The following DGKB variants were observed in gnomAD, a reference collection of about 807,000 sequenced individuals.
The protein encoded by DGKB is diacylglycerol kinase beta.
DGKB carries 67 observed loss-of-function variants against 114.3 expected under a neutral mutation model. The ratio of observed to expected loss-of-function variants is 0.59; its 90% CI spans 0.48 to 0.72. DGKB has a LOEUF of 0.72. Ranked by LOEUF, DGKB falls within the 30% of genes least tolerant of loss-of-function variation. DGKB has a pLI of 0.00. For synonymous variants in DGKB, 398 were observed against 323.1 expected (o/e 1.23, Z -2.49); for missense variants, 907 against 975.2 (o/e 0.93, Z 0.93).
chr7:14,507,067 G>C (rs1787202476), intron 20 of DGKB, among the ~76,000 whole-genome samples: 1 of 152,182 alleles, frequency 6.6e-6, no homozygotes, highest in African/African-American at 2.4e-5. Flanking sequence ...TTATTTAAAA[G>C]AGAGCAGCCT....
At chr7:14,621,281 G>C in intron 15 of DGKB, 97 bp downstream of exon 15, 4 of 713,254 alleles carry the variant, frequency 5.6e-6, no homozygotes, top group Non-Finnish European at 9.7e-6. Flanking sequence ...CTAATATGCA[G>C]ATTAAACAAA....
At chr7:14,524,634 T>C (rs1790339592) in intron 20 of DGKB, among the ~76,000 whole-genome samples, 1 of 151,712 alleles carries the variant, frequency 6.6e-6, no homozygotes, top group African/African-American at 2.4e-5. Context: ...TATGTGCCTG[T>C]AGTCCCAGCC....
intron 23 of DGKB, among the ~76,000 whole-genome samples, chr7:14,292,488 C>A (rs1276952282): frequency 4.6e-5 from 7 of 152,258 alleles, no homozygotes; most frequent in African/African-American, 1.7e-4. Context: ...TTATTTGTTT[C>A]TTTATCAATT....
chr7:14,917,781 T>C (rs1035715646), intron 1 of DGKB, among the ~76,000 whole-genome samples: 1 of 151,972 alleles, frequency 6.6e-6, no homozygotes, highest in Non-Finnish European at 1.5e-5. Context: ...GAAGCTAGCA[T>C]TACCCTCATA....
At chr7:14,330,368 G>A (rs1809513366) in intron 23 of DGKB, among the ~76,000 whole-genome samples, 1 of 151,834 alleles carries the variant, frequency 6.6e-6, no homozygotes, top group African/African-American at 2.4e-5. Context: ...CCATCCCTGT[G>A]TACCTTTTTG....
chr7:14,278,738 T>A (rs1799404842), intron 23 of DGKB, among the ~76,000 whole-genome samples: 1 of 151,996 alleles, frequency 6.6e-6, no homozygotes, highest in Non-Finnish European at 1.5e-5. Flanking sequence ...ATACATCTGA[T>A]AGGGAGTTAA....
At chr7:14,936,616 G>A (rs1785283594) in intron 1 of DGKB, among the ~76,000 whole-genome samples, 5 of 152,150 alleles carry the variant, frequency 3.3e-5, no homozygotes, top group Admixed American at 3.3e-4. Context: ...TAGGAATGGA[G>A]GTGGTCATAG....
rs186390437 is a variant in DGKB at position 14,723,561 on chromosome 7, G to A, written c.323-4876C>T. 4.3e-4 allele frequency among the ~76,000 whole-genome samples: 64 copies of A among 149,288 alleles called. 2 individuals carry two copies. The South Asian group carries it at 5.0e-3, about 12-fold the overall frequency. The stretch of plus-strand genomic sequence containing the variant: ...AAAAGTGAAGCAAATGTGTGTGTGT[G>A]TATATATATGTGTGTGTGTGTGTAT... On this transcript the variant is annotated intron_variant, in intron 5 of 25. Coordinates refer to ENST00000402815, the MANE Select transcript of DGKB (RefSeq NM_001350709.2).
intron 21 of DGKB, among the ~76,000 whole-genome samples, chr7:14,474,700 G>T (rs1211621474): frequency 6.6e-6 from 1 of 151,886 alleles, no homozygotes; most frequent in Non-Finnish European, 1.5e-5. Context: ...AGCACCATGA[G>T]AAGTATTATG....
At chr7:14,781,097 T>C (rs1311017615) in intron 2 of DGKB, among the ~76,000 whole-genome samples, 1 of 152,228 alleles carries the variant, frequency 6.6e-6, no homozygotes, top group African/African-American at 2.4e-5. Context: ...TTGATTTCTT[T>C]CACAGTTTTG....
At chr7:14,809,723 A>G (rs1371861240) in intron 2 of DGKB, among the ~76,000 whole-genome samples, 1 of 152,162 alleles carries the variant, frequency 6.6e-6, no homozygotes, top group Non-Finnish European at 1.5e-5. Context: ...ATTCAGTGCC[A>G]ATGGTGTAGC....
chr7:14,165,123 C>T (rs1784436473), intron 25 of DGKB, among the ~76,000 whole-genome samples: 1 of 152,066 alleles, frequency 6.6e-6, no homozygotes, highest in Admixed American at 6.6e-5. Context: ...ACAGATATCC[C>T]AGAAAACATT....
intron 21 of DGKB, among the ~76,000 whole-genome samples, chr7:14,458,145 T>C (rs1832568454): frequency 6.6e-6 from 1 of 152,168 alleles, no homozygotes; most frequent in African/African-American, 2.4e-5. Flanking sequence ...CTTCTAAAAA[T>C]TTAAATTTTA....
chr7:14,184,752 C>G (rs1783147495), intron 23 of DGKB, among the ~76,000 whole-genome samples: 1 of 152,148 alleles, frequency 6.6e-6, no homozygotes, highest in Non-Finnish European at 1.5e-5. Context: ...GCCTCGCCCA[C>G]TGCCAGTTCC....
At chr7:14,493,465 A>G (rs571477619) in intron 20 of DGKB, among the ~76,000 whole-genome samples, 1 of 152,134 alleles carries the variant, frequency 6.6e-6, no homozygotes, top group Non-Finnish European at 1.5e-5. Flanking sequence ...TGTGGTGTTT[A>G]TCTCTCCCAA....
At chr7:14,385,313 A>G (rs1820142755) in intron 21 of DGKB, among the ~76,000 whole-genome samples, 1 of 152,168 alleles carries the variant, frequency 6.6e-6, no homozygotes, top group African/African-American at 2.4e-5. Flanking sequence ...CCTCCAGGAT[A>G]TTAATGGCAC....
chr7:14,736,685 C>T (rs1831774880), intron 4 of DGKB, among the ~76,000 whole-genome samples: 2 of 152,146 alleles, frequency 1.3e-5, no homozygotes, highest in African/African-American at 2.4e-5. Context: ...AAGAGGTTAA[C>T]CTTAATGTTT....
chr7:14,971,647 C>T (rs1055394348), intron 1 of DGKB, among the ~76,000 whole-genome samples: 23 of 151,668 alleles, frequency 1.5e-4, no homozygotes, highest in African/African-American at 4.8e-4. Flanking sequence ...TAAAATTAAA[C>T]GTATCAAATG....
intron 21 of DGKB, among the ~76,000 whole-genome samples, chr7:14,469,783 A>C (rs749369758): frequency 3.9e-5 from 6 of 151,996 alleles, no homozygotes; most frequent in Non-Finnish European, 7.4e-5. Flanking sequence ...TTATTTTAAA[A>C]GCTTTACATT....
Sources: allele counts gnomAD v4.1 joint callset (sites outside exome capture counted in the v4.1 genomes callset), GRCh38; gene constraint gnomAD v4.1.1; transcripts MANE v1.5; gene names NCBI Gene and HGNC (gene_info 2026-07-23, HGNC 2026-07-21).